The following DZIP3 variants were observed in gnomAD, a reference collection of about 807,000 sequenced individuals.
DZIP3 encodes the protein DAZ interacting zinc finger protein 3.
A neutral mutation model predicts 162.0 loss-of-function variants in DZIP3; 118 were observed. The observed-to-expected ratio is 0.73, with a 90% CI of 0.63 to 0.85. The LOEUF (loss-of-function observed/expected upper bound fraction) is 0.85. Among genes scored for constraint, DZIP3 ranks in the 40% least tolerant of loss-of-function variants. The pLI, the probability that DZIP3 is intolerant of heterozygous loss-of-function variation, is 0.00. For synonymous variants in DZIP3, 438 were observed against 458.6 expected, an observed-to-expected ratio of 0.96 and a Z score of 0.57; for missense variants, 1,331 against 1,407.0, an observed-to-expected ratio of 0.95 and a Z score of 0.86.
At chr3:108,622,802 T>C (rs187918470) in intron 5 of DZIP3, among the ~76,000 whole-genome samples, 93 of 150,862 alleles carry the variant, frequency 6.2e-4, no homozygotes, top group Non-Finnish European at 8.1e-4. Flanking sequence ...GCAGAGACTC[T>C]TGTTCTCTTC....
At position 108,591,941 on chromosome 3, in the gene DZIP3, A is replaced by T. The variant is rs367873023; in HGVS notation, c.-73+2102A>T. Among the ~76,000 whole-genome samples the T allele has an allele frequency of 1.3e-4, 19 of 150,420 alleles. No individual in the cohort carries two copies. In the South Asian group the frequency reaches 4.0e-3, roughly 32 times the overall value. On this transcript the variant is annotated intron_variant, in intron 1 of 32. Coordinates refer to ENST00000361582, the MANE Select transcript of DZIP3 (RefSeq NM_014648.4). ...AGGCTGCAGTGAGTGTGATTGTGCC[A>T]CTGCACTGTAGCCTGGGTGGCAGAG...
intron 10 of DZIP3, 28 bp from the exon 11 acceptor site, chr3:108,636,588 T>G (rs778314842): frequency 2.1e-6 from 3 of 1,433,118 alleles, no homozygotes; most frequent in Admixed American, 2.4e-5. Flanking sequence ...TTTTTTCTAT[T>G]TTTATTTTTT....
intron 26 of DZIP3, among the ~76,000 whole-genome samples, chr3:108,679,126 G>A (rs1174866305): frequency 2.0e-5 from 3 of 152,038 alleles, no homozygotes; most frequent in Admixed American, 6.6e-5. Flanking sequence ...TTTGTGGGAT[G>A]TCTAAAAACA....
intron 1 of DZIP3, among the ~76,000 whole-genome samples, chr3:108,590,794 G>C (rs749351679): frequency 2.0e-5 from 3 of 152,310 alleles, no homozygotes; most frequent in Non-Finnish European, 4.4e-5. Flanking sequence ...CACTGCTGCA[G>C]AATCTTCATT....
chr3:108,687,600 AAT>A (rs972841330), intron 28 of DZIP3, among the ~76,000 whole-genome samples: 4 of 152,330 alleles, frequency 2.6e-5, no homozygotes, highest in Admixed American at 2.0e-4. Context: ...GTTAAAAATA[AAT>A]ATGTTATCCT....
chr3:108,611,397 T>G, intron 4 of DZIP3, 68 bp downstream of exon 4: 4 of 1,566,372 alleles, frequency 2.6e-6, no homozygotes, highest in Non-Finnish European at 3.5e-6. Context: ...TAATTAAAAT[T>G]CTTTTTAAAC....
chr3:108,685,101 A>G (rs1018682159), intron 27 of DZIP3, among the ~76,000 whole-genome samples: 2 of 152,142 alleles, frequency 1.3e-5, no homozygotes, highest in Admixed American at 1.3e-4. Context: ...ATACATGGTC[A>G]GGTGGACTCT....
At chr3:108,632,760 A>T (rs1941947332) in intron 8 of DZIP3, among the ~76,000 whole-genome samples, 193 bp from the exon 9 acceptor site, 3 of 152,214 alleles carry the variant, frequency 2.0e-5, no homozygotes, top group African/African-American at 7.2e-5. Context: ...CTTCTAATTT[A>T]GGACCTTCCT....
chr3:108,669,249 T>C (rs1943820523), intron 21 of DZIP3, among the ~76,000 whole-genome samples: 1 of 151,936 alleles, frequency 6.6e-6, no homozygotes, highest in South Asian at 2.1e-4. Flanking sequence ...CCTTTAGACC[T>C]TAAATCTTTC....
intron 19 of DZIP3, among the ~76,000 whole-genome samples, chr3:108,660,050 A>T (rs1943347117): frequency 6.6e-6 from 1 of 152,226 alleles, no homozygotes; most frequent in Non-Finnish European, 1.5e-5. Flanking sequence ...TATTGTGAAA[A>T]TGGCCATACT....
chr3:108,675,923 T>C, intron 25 of DZIP3, 50 bp downstream of exon 25: 2 of 1,515,250 alleles, frequency 1.3e-6, no homozygotes, highest in Non-Finnish European at 1.8e-6. Context: ...TTATAGGTGG[T>C]GTAAAGTTAG....
At chr3:108,623,603 A>G (rs1409692744) in intron 5 of DZIP3, among the ~76,000 whole-genome samples, 1 of 152,024 alleles carries the variant, frequency 6.6e-6, no homozygotes, top group Admixed American at 6.5e-5. Flanking sequence ...TTTTCCCTGG[A>G]GTTGGAGGGG....
intron 13 of DZIP3, 128 bp downstream of exon 13, chr3:108,642,642 C>A: frequency 9.5e-7 from 1 of 1,052,152 alleles, no homozygotes; most frequent in Non-Finnish European, 1.3e-6. Flanking sequence ...TGGGTTTATA[C>A]CAGCAAGCAG....
intron 2 of DZIP3, among the ~76,000 whole-genome samples, chr3:108,605,962 A>C (rs1229074647): frequency 6.6e-6 from 1 of 152,214 alleles, no homozygotes; most frequent in Middle Eastern, 3.2e-3. Context: ...TAATTTTACA[A>C]AAGTTCACTA....
intron 3 of DZIP3, among the ~76,000 whole-genome samples, chr3:108,610,133 G>A (rs933274578): frequency 3.3e-5 from 5 of 151,982 alleles, no homozygotes; most frequent in Admixed American, 6.6e-5. Context: ...GTTAGTAAAC[G>A]GTTAACATTT....
chr3:108,611,877 A>G (rs752522526), intron 4 of DZIP3, among the ~76,000 whole-genome samples: 23 of 151,896 alleles, frequency 1.5e-4, no homozygotes, highest in Non-Finnish European at 2.8e-4. Context: ...AGGCAGGAGA[A>G]TCGGTTGAAC....
intron 8 of DZIP3, among the ~76,000 whole-genome samples, chr3:108,631,609 A>C (rs1472929331): frequency 7.1e-6 from 1 of 140,068 alleles, no homozygotes; most frequent in African/African-American, 2.6e-5. Context: ...TTTTTTTAGT[A>C]AAGACAGTCT....
In DZIP3 at chr3:108,619,329, G is replaced by GTGTGTGTT. The variant is rs1559731608; in HGVS notation, c.375+2673_375+2674insGTGTGTTT. ...GTGTGTGTGTGTGTGTGTGTGTTTT[G>GTGTGTGTT]TTTTATATACATAAAACATACAAAT... On this transcript the variant is annotated intron_variant, in intron 5 of 32. Transcript: ENST00000361582. Among the ~76,000 whole-genome samples the GTGTGTGTT allele has an allele frequency of 4.3e-3, 644 of 148,610 alleles. 5 individuals carry two copies. The highest frequency in any genetic ancestry group is 0.016 in the African/African-American group (623 of 39,540).
intron 2 of DZIP3, among the ~76,000 whole-genome samples, chr3:108,607,686 C>G (rs1384567618): frequency 3.3e-5 from 5 of 152,100 alleles, no homozygotes; most frequent in Admixed American, 3.3e-4. Context: ...GAACCCCAAA[C>G]AGAAAATAAG....
Sources: gnomAD v4.1 joint callset for allele counts (sites outside exome capture counted in the v4.1 genomes callset) on GRCh38, gnomAD v4.1.1 for gene constraint, MANE v1.5 for transcripts, NCBI Gene and HGNC (gene_info 2026-07-23, HGNC 2026-07-21) for gene names.